Variants in JAG2 observed in about 807,000 individuals in gnomAD.
JAG2 encodes protein jagged-2.
A neutral mutation model predicts 141.7 loss-of-function variants in JAG2; 46 were observed. The ratio of observed to expected loss-of-function variants is 0.32; its 90% CI spans 0.26 to 0.42. The LOEUF (loss-of-function observed/expected upper bound fraction) is 0.42, where lower values mean the gene tolerates loss of function less well. Ranked by LOEUF, JAG2 falls within the 10% of genes least tolerant of loss-of-function variation. JAG2 has a pLI of 1.00. For missense variants in JAG2, 1,500 were observed against 1,817.5 expected, an observed-to-expected ratio of 0.83 and a Z score of 3.18; for synonymous variants, 862 against 763.5, an observed-to-expected ratio of 1.13 and a Z score of -2.13.
intron 5 of JAG2, among the ~76,000 whole-genome samples, chr14:105,152,858 G>A (rs1021277354): frequency 6.6e-6 from 1 of 152,178 alleles, no homozygotes; most frequent in Non-Finnish European, 1.5e-5. Context: ...CCTGCCCAGG[G>A]TAGTTCCTGA....
rs767586602 is a variant in JAG2 at position 105,167,999 on chromosome 14, C to G, written c.175G>C (p.Ala59Pro). 26 of 1,601,164 alleles carry G rather than the reference C, an allele frequency of 1.6e-5. No individual in the cohort carries two copies. The highest frequency in any genetic ancestry group is 3.3e-5 in the South Asian group (3 of 90,642). ...CACTCGTCGTGGCCGCAGCCCCCCG[C>G]GCGCGTTGTCCGGCCGTCGCCGTCA... ...CCDGDGRTTR[A>P]GGCGHDECDT... The change falls in exon 2 of 26, where the codon GCG (alanine) becomes CCG (proline). Residue 59 changes from alanine to proline, a missense_variant. Transcript: ENST00000331782. This position sits in a 1 kb window ranked among gnomAD's most constrained non-coding sequence, Gnocchi z 4.8.
rs1595193555 is a variant in JAG2, at chr14:105,167,493, G to T, written c.417+264C>A. 6.7e-6 allele frequency among the ~76,000 whole-genome samples: 1 copy of T among 150,198 alleles called. No individual in the cohort carries two copies. Among genetic ancestry groups the T allele is most frequent in the African/African-American group, 2.4e-5 (1 of 41,244 alleles). On this transcript the variant is annotated intron_variant, in intron 2 of 25. Transcript: ENST00000331782. The surrounding 1 kb of genome is among the most constrained non-coding windows in gnomAD (Gnocchi z 4.8). ...CACGCGCAGGGCGACGCAGGCACAC[G>T]CCGCACACCGCCGCGCACGCGGGAC...
Position 105,155,973 on chromosome 14 carries a change from C to G in JAG2, c.492G>C (p.Glu164Asp). 1 of 1,606,152 alleles carries G rather than the reference C, an allele frequency of 6.2e-7. No homozygotes were observed. The highest frequency in any genetic ancestry group is 8.5e-7 in the Non-Finnish European group (1 of 1,179,434). The change falls in exon 4 of 26, where the codon GAG becomes GAC. Residue 164 changes from glutamate to aspartate, a missense_variant. Glu to Asp is a conservative substitution (Grantham distance 45, BLOSUM62 2). Around this residue, in one of 3 missense-constraint regions of JAG2, gnomAD observed 875 missense variants for 1,202.2 expected, o/e 0.73. Coordinates refer to ENST00000331782, the MANE Select transcript of JAG2 (RefSeq NM_002226.5). ...TGATCATGCCGGCATGCGACACTCG[C>G]TCGATCAGCAGCTCCTCTTGGGGAG... is the stretch of plus-strand genomic sequence containing the variant. Reference protein sequence around the residue: ...DTTPNEELLIERVSHAGMINP... With the variant: ...DTTPNEELLIDRVSHAGMINP...
intron 1 of JAG2, 47 bp downstream of exon 1, chr14:105,168,308 C>G: frequency 1.4e-6 from 1 of 696,896 alleles, no homozygotes; most frequent in South Asian, 5.0e-5. Flanking sequence ...AGGGGCGGCC[C>G]GGTGTGCCCC....
Position 105,165,947 on chromosome 14 carries a change from G to A in JAG2, c.417+1810C>T, listed in dbSNP as rs1385722247. Reference sequence around the variant, plus strand: ...GGCAGCATGGCCAGGGACTGCCGCCGCCCGAGTGCAAATACCAGGGTGCTG... The same window carrying A: ...GGCAGCATGGCCAGGGACTGCCGCCACCCGAGTGCAAATACCAGGGTGCTG... On this transcript the variant is annotated intron_variant, in intron 2 of 25. Transcript: ENST00000331782. 2.6e-5 allele frequency among the ~76,000 whole-genome samples: 4 copies of A among 152,282 alleles called. No individual in the cohort carries two copies. In the East Asian group the frequency reaches 5.8e-4, roughly 22 times the overall value.
chr14:105,148,725 G>T lies in JAG2; in HGVS notation c.2020+20C>A. ...AGGGGTGGAGGCACAGGCCGTGTGG[G>T]CGGGTGCTGGAACACTCACTGGTGT... On this transcript the variant is annotated intron_variant, in intron 15 of 25. Coordinates refer to ENST00000331782, the MANE Select transcript of JAG2 (RefSeq NM_002226.5). 5 of 1,541,570 alleles carry T rather than the reference G, an allele frequency of 3.2e-6. No individual in the cohort carries two copies. The highest frequency in any genetic ancestry group is 4.4e-6 in the Non-Finnish European group (5 of 1,140,200).
At chr14:105,148,593 G>T in intron 15 of JAG2, 152 bp downstream of exon 15, 1 of 873,888 alleles carries the variant, frequency 1.1e-6, no homozygotes, top group Non-Finnish European at 1.8e-6. Context: ...CATGGGGGCA[G>T]CCTGGGACTC....
At chr14:105,144,094 T>G (rs12434777) in intron 24 of JAG2, among the ~76,000 whole-genome samples, 107,022 of 151,496 alleles carry the variant, frequency 0.71, 38,601 homozygotes, top group African/African-American at 0.86. Flanking sequence ...GGCAGTGAGT[T>G]GGGGAGGTGT....
intron 2 of JAG2, 33 bp from the exon 3 acceptor site, chr14:105,157,796 A>G (rs758480935): frequency 1.5e-5 from 23 of 1,544,832 alleles, no homozygotes; most frequent in Non-Finnish European, 2.0e-5. Context: ...CAGGTACCTG[A>G]GGCCACACCT....
Position 105,146,002 on chromosome 14 carries a change from C to T in JAG2, c.2710-29G>A, listed in dbSNP as rs765534244. On this transcript the variant is annotated intron_variant, in intron 22 of 25. Coordinates refer to ENST00000331782, the MANE Select transcript of JAG2 (RefSeq NM_002226.5). ...GGCAGGCACGCACAGGAGGGTCAGG[C>T]GCAGGCGCACAGGAGGGTCAGATGC... 70 of 1,585,274 alleles carry T rather than the reference C, an allele frequency of 4.4e-5. No homozygotes were observed. In the Admixed American group the frequency reaches 9.1e-4, roughly 21 times the overall value.
In JAG2 at chr14:105,147,943, G is replaced by A. The variant is rs587596688; in HGVS notation, c.2249-55C>T. 5 of 1,403,882 alleles carry A rather than the reference G, an allele frequency of 3.6e-6. No homozygotes were observed. The Admixed American group carries it at 7.9e-5, about 22-fold the overall frequency. 87.0% of individuals were successfully genotyped at this position (1,403,882 alleles called of 1,614,324 possible). On this transcript the variant is annotated intron_variant, in intron 17 of 25. Transcript: ENST00000331782. ...TCACCTGGCCCTGGGCTGGCCCTGG[G>A]TCTCCATACCGCGCCCCCAACCCAG...
intron 20 of JAG2, 132 bp from the exon 21 acceptor site, chr14:105,146,856 C>T (rs1888240741): frequency 1.3e-6 from 1 of 781,622 alleles, no homozygotes; most frequent in Admixed American, 2.0e-5. Context: ...GCCCCTGCCC[C>T]CGAGCCCAAG....
intron 5 of JAG2, among the ~76,000 whole-genome samples, chr14:105,155,016 T>A: frequency 3.6e-5 from 1 of 28,086 alleles, no homozygotes; most frequent in Admixed American, 4.8e-4. Flanking sequence ...CACCCCCACA[T>A]GCCCCACAGC....
intron 24 of JAG2, among the ~76,000 whole-genome samples, chr14:105,144,036 C>T (rs587745049): frequency 4.1e-5 from 6 of 145,488 alleles, no homozygotes; most frequent in South Asian, 2.2e-4. Flanking sequence ...TGTCCCCGTC[C>T]GGGCACACAG....
chr14:105,166,439 C>A lies in JAG2; in HGVS notation c.417+1318G>T, dbSNP rs969576191. ...TGGGGGCGAGGGGCTGGGCTTCTCACAACTGCCTGGGCCCTCCCATGCCCG... is the reference window on the plus strand; with the variant it reads ...TGGGGGCGAGGGGCTGGGCTTCTCAAAACTGCCTGGGCCCTCCCATGCCCG... On this transcript the variant is annotated intron_variant, in intron 2 of 25. Coordinates refer to ENST00000331782, the MANE Select transcript of JAG2 (RefSeq NM_002226.5). 2.6e-5 allele frequency among the ~76,000 whole-genome samples: 4 copies of A among 152,260 alleles called. No individual in the cohort carries two copies. In the South Asian group the frequency reaches 6.2e-4, roughly 24 times the overall value.
At chr14:105,150,805 C>T (rs1192986734) in intron 11 of JAG2, 28 bp from the exon 12 acceptor site, 2 of 1,577,600 alleles carry the variant, frequency 1.3e-6, no homozygotes, top group Non-Finnish European at 1.7e-6. Context: ...GTGAGCGTCC[C>T]GCAGGCACCC....
At position 105,149,202 on chromosome 14, in the gene JAG2, G is replaced by A. The variant is rs867096277; in HGVS notation, c.1721C>T (p.Pro574Leu). Residue 574 changes from proline to leucine, a missense_variant, in exon 13 of 26, where the codon CCC becomes CTC. Physicochemically the swap from Pro to Leu is moderately conservative, Grantham distance 98. Coordinates refer to ENST00000331782, the MANE Select transcript of JAG2 (RefSeq NM_002226.5). ...GGCCCCGCCAGGGCACGGCTCGCGG[G>A]GCACGGAGCAGTTCTTGCCACCAAA... ...DDFGGKNCSV[P>L]REPCPGGACR... The A allele has an allele frequency of 6.2e-6, 10 of 1,612,124 alleles. No homozygotes were observed. Among genetic ancestry groups the A allele is most frequent in the African/African-American group, 4.0e-5 (3 of 74,880 alleles).
chr14:105,150,183 A>G lies in JAG2; in HGVS notation c.1602+421T>C, dbSNP rs911182873. Among the ~76,000 whole-genome samples the G allele has an allele frequency of 9.2e-5, 14 of 151,694 alleles. No homozygotes were observed. In the East Asian group the frequency reaches 2.7e-3, roughly 30 times the overall value. The stretch of plus-strand genomic sequence containing the variant: ...CAGATGGTCAGAGGGAGGCGAGAGC[A>G]TCAGCCCTGAGAGAGATGCCCACTC... On this transcript the variant is annotated intron_variant, in intron 12 of 25. Coordinates refer to ENST00000331782, the MANE Select transcript of JAG2 (RefSeq NM_002226.5).
chr14:105,155,781 G>A lies in JAG2; in HGVS notation c.684C>T (p.Asn228=), dbSNP rs1261192108. 1 of 1,612,978 alleles carries A rather than the reference G, an allele frequency of 6.2e-7. No individual in the cohort carries two copies. The highest frequency in any genetic ancestry group is 8.5e-7 in the Non-Finnish European group (1 of 1,179,928). The part of the protein sequence containing the change: ...FGHYTCDQYG[N]KACMDGWMGK... ...CCATCCAGCCGTCCATGCAGGCCTT[G>A]TTGCCGTACTGGTCGCAGGTGTAGT... Residue 228 remains asparagine (N), a synonymous_variant, in exon 4 of 26, where the codon AAC becomes AAT. Transcript: ENST00000331782.
Sources: allele counts gnomAD v4.1 joint callset (sites outside exome capture counted in the v4.1 genomes callset), GRCh38; gene constraint gnomAD v4.1.1; regional missense constraint gnomAD v4.1.1; non-coding constraint Gnocchi (gnomAD v3.1); transcripts MANE v1.5; gene names NCBI Gene and HGNC (gene_info 2026-07-23, HGNC 2026-07-21).